The following RNF213 variants were observed in gnomAD, a reference collection of about 807,000 sequenced individuals.
RNF213 encodes the protein E3 ubiquitin-protein ligase RNF213.
Under a neutral mutation model 514.4 loss-of-function variants are expected in RNF213, and 341 were observed. That is an observed-to-expected ratio of 0.66 (90% CI 0.61 to 0.73). RNF213 has a LOEUF of 0.73. RNF213 is among the 30% of genes least tolerant of loss of function. The probability of loss-of-function intolerance (pLI) is 0.00; values close to 1 mark genes in which losing one functional copy is unlikely to be tolerated. For missense variants in RNF213, 5,767 were observed against 6,615.6 expected (o/e 0.87, Z 4.45); for synonymous variants, 2,655 against 2,658.2 (o/e 1.00, Z 0.04).
Position 80,290,710 on chromosome 17 carries a change from G to T in RNF213, c.1253G>T (p.Cys418Phe). The T allele has an allele frequency of 2.5e-6, 4 of 1,614,198 alleles. No homozygotes were observed. Among genetic ancestry groups the T allele is most frequent in the Non-Finnish European group, 3.4e-6 (4 of 1,180,036 alleles). Residue 418 changes from cysteine (C) to phenylalanine (F), a missense_variant, in exon 7 of 68, where the codon TGT (cysteine) becomes TTT (phenylalanine). This residue lies in a region of RNF213 where 592 missense variants were observed against 673.9 expected (regional missense o/e 0.88). Coordinates refer to ENST00000582970, the MANE Select transcript of RNF213 (RefSeq NM_001256071.3). ...GAGTCAAAATGGGACAGCAATATCT[G>T]TGAGCTGCACTACACCAGGTGAGCG... is the stretch of plus-strand genomic sequence containing the variant. ...FGESKWDSNI[C>F]ELHYTRDLGH...
At chr17:80,266,058 A>C (rs1010000590) in intron 2 of RNF213, among the ~76,000 whole-genome samples, 2 of 152,148 alleles carry the variant, frequency 1.3e-5, no homozygotes, top group Non-Finnish European at 2.9e-5. Context: ...GTGTGGGCCC[A>C]CTAGCAGAGA....
chr17:80,330,943 T>C (rs778749990), intron 20 of RNF213, among the ~76,000 whole-genome samples: 4 of 152,070 alleles, frequency 2.6e-5, no homozygotes, highest in Non-Finnish European at 5.9e-5. Flanking sequence ...TCAGCCTCCC[T>C]AGTAGCTGAG....
At chr17:80,267,217 CA>C (rs201148773) in intron 2 of RNF213, among the ~76,000 whole-genome samples, 148 of 111,748 alleles carry the variant, frequency 1.3e-3, no homozygotes, top group Admixed American at 1.2e-3. Context: ...GACTCTGTCT[CA>C]AAAAAAAAAA....
Position 80,325,073 on chromosome 17 carries a change from G to T in RNF213, c.3068G>T (p.Arg1023Leu). 1 of 1,537,144 alleles carries T rather than the reference G, an allele frequency of 6.5e-7. No individual in the cohort carries two copies. Among genetic ancestry groups the T allele is most frequent in the Non-Finnish European group, 8.7e-7 (1 of 1,146,906 alleles). Residue 1023 changes from arginine (R) to leucine (L), a missense_variant, in exon 18 of 68, where the codon CGG becomes CTG. By Grantham distance (102) the Arg-to-Leu change is moderately radical. This residue lies in a region of RNF213 where 516 missense variants were observed against 566.5 expected (regional missense o/e 0.91). Transcript: ENST00000582970. ...CAGGGGTTCTCTTACTCTGATTTGC[G>T]GAAATTTGGCATCGTCTTGTCTGCT... ...ILQGFSYSDL[R>L]KFGIVLSAVI...
At position 80,355,513 on chromosome 17, in the gene RNF213, G is replaced by C. The variant is rs556684841; in HGVS notation, c.10862+937G>C. ...AGGAAGAAGCGGGGTGACCGGGAAT[G>C]GGGGCTTACAGGGGGAAGAAGCGGG... is the stretch of plus-strand genomic sequence containing the variant. On this transcript the variant is annotated intron_variant, in intron 36 of 67. Transcript: ENST00000582970. 6.8e-5 allele frequency among the ~76,000 whole-genome samples: 6 copies of C among 88,372 alleles called. No homozygotes were observed. In the East Asian group the frequency reaches 1.8e-3, roughly 26 times the overall value. 58.0% of individuals were successfully genotyped at this position (88,372 alleles called of 152,430 possible). A position where few individuals can be genotyped will look rare whatever the true frequency, so the allele number is the denominator to read the frequency against.
chr17:80,346,679 G>T lies in RNF213; in HGVS notation c.8344G>T (p.Val2782Leu), dbSNP rs1279432686. 6.2e-7 allele frequency: 1 copy of T among 1,611,236 alleles called. No homozygotes were observed. The highest frequency in any genetic ancestry group is 8.5e-7 in the Non-Finnish European group (1 of 1,180,008). ...GSSKSLAKTI[V>L]ADAMQGPAAY... ...CTCCAAGTCTCTCGCCAAGACCATCGTGGCAGACGCCATGCAGGGCCCGGC... is the reference window on the plus strand; with the variant it reads ...CTCCAAGTCTCTCGCCAAGACCATCTTGGCAGACGCCATGCAGGGCCCGGC... Residue 2782 changes from valine (V) to leucine (L), a missense_variant, in exon 29 of 68, where the codon GTG becomes TTG. Physicochemically the swap from Val to Leu is conservative, Grantham distance 32. Coordinates refer to ENST00000582970, the MANE Select transcript of RNF213 (RefSeq NM_001256071.3). This position sits in a 1 kb window ranked among gnomAD's most constrained non-coding sequence, Gnocchi z 8.1.
Position 80,319,487 on chromosome 17 carries a change from C to G in RNF213, c.3024+175C>G, listed in dbSNP as rs753107817. On this transcript the variant is annotated intron_variant, in intron 17 of 67. Coordinates refer to ENST00000582970, the MANE Select transcript of RNF213 (RefSeq NM_001256071.3). ...CAATGGCGCTGAAATCTAGTTCTCT[C>G]CGGATTCCTCAGTGTGCTGCACAGT... The G allele has an allele frequency of 3.1e-6, 5 of 1,613,890 alleles. No individual in the cohort carries two copies. In the African/African-American group the frequency reaches 5.3e-5, roughly 17 times the overall value.
chr17:80,397,424 G>A lies in RNF213; in HGVS notation c.*3926G>A, dbSNP rs1345245661. On this transcript the variant is annotated 3_prime_UTR_variant, in exon 68 of 68. Coordinates refer to ENST00000582970, the MANE Select transcript of RNF213 (RefSeq NM_001256071.3). The stretch of plus-strand genomic sequence containing the variant: ...AAGGCAGAAATGAAATCCACAAGCA[G>A]ACAGCCTGCACCACACCCTGGGCCT... 2 of 152,136 alleles carry A rather than the reference G, an allele frequency of 1.3e-5. No homozygotes were observed. Among genetic ancestry groups the A allele is most frequent in the African/African-American group, 4.8e-5 (2 of 41,426 alleles). The allele number at this position is 152,136 out of a possible 1,614,324, so 9.4% of individuals were successfully genotyped here.
intron 22 of RNF213, among the ~76,000 whole-genome samples, chr17:80,335,689 G>C (rs7224585): frequency 0.099 from 15,007 of 152,056 alleles, 1,487 homozygotes; most frequent in African/African-American, 0.25. Context: ...TTAACAGACA[G>C]TACAGGCTGG....
At position 80,291,735 on chromosome 17, in the gene RNF213, T is replaced by C. The variant is rs766165427; in HGVS notation, c.1379T>C (p.Phe460Ser). The C allele has an allele frequency of 6.2e-6, 10 of 1,614,066 alleles. No individual in the cohort carries two copies. The African/African-American group carries it at 1.2e-4, about 19-fold the overall frequency. ...TACGTCATTTATAATGGGGAATCTT[T>C]TGAGTATGAGTTCATTTACAAGCAC... ...YKYVIYNGES[F>S]EYEFIYKHQQ... The change falls in exon 8 of 68, where the codon TTT becomes TCT. Residue 460 changes from phenylalanine (F) to serine (S), a missense_variant. By Grantham distance (155) the Phe-to-Ser change is radical (BLOSUM62 -2). Around this residue, in one of 13 missense-constraint regions of RNF213, gnomAD observed 592 missense variants for 673.9 expected, o/e 0.88. Transcript: ENST00000582970.
intron 47 of RNF213, 66 bp from the exon 48 acceptor site, chr17:80,372,455 T>C (rs1382583166): frequency 1.7e-6 from 2 of 1,170,930 alleles, no homozygotes; most frequent in Admixed American, 1.9e-5. Flanking sequence ...TTGGCGACTG[T>C]AGAAGCTTGG....
chr17:80,361,824 T>G lies in RNF213; in HGVS notation c.11291T>G (p.Leu3764Arg). 6.2e-7 allele frequency: 1 copy of G among 1,614,108 alleles called. No homozygotes were observed. Among genetic ancestry groups the G allele is most frequent in the East Asian group, 2.2e-5 (1 of 44,894 alleles). ...CATGGAGAGCCGCAGCAGGAACTTC[T>G]TCAGTGTTACTTGAAGGATTTCATT... ...QLHGEPQQELLQCYLKDFILL... is the reference protein window; with the variant it reads ...QLHGEPQQELRQCYLKDFILL... Residue 3764 changes from leucine (L) to arginine (R), a missense_variant, in exon 39 of 68, where the codon CTT becomes CGT. Around this residue, in one of 13 missense-constraint regions of RNF213, gnomAD observed 355 missense variants for 358.0 expected, o/e 0.99. Transcript: ENST00000582970.
Position 80,376,531 on chromosome 17 carries a change from A to G in RNF213, c.13416A>G (p.Pro4472=), listed in dbSNP as rs1402838094. 1 of 1,614,022 alleles carries G rather than the reference A, an allele frequency of 6.2e-7. No individual in the cohort carries two copies. Among genetic ancestry groups the G allele is most frequent in the South Asian group, 1.1e-5 (1 of 91,084 alleles). Residue 4472 remains proline (P), a synonymous_variant, in exon 52 of 68, where the codon CCA becomes CCG. Transcript: ENST00000582970. Reference sequence around the variant, plus strand: ...CCCTAAAGAATCTGGCCTTCTCCCCAGCCACCATGGCGGTAAGAGTAGGCC... The same window carrying G: ...CCCTAAAGAATCTGGCCTTCTCCCCGGCCACCATGGCGGTAAGAGTAGGCC... The part of the protein sequence containing the change: ...LEPLKNLAFS[P]ATMAHAFLPT...
At chr17:80,362,074 C>T (rs1229788281) in intron 39 of RNF213, among the ~76,000 whole-genome samples, 186 bp downstream of exon 39, 1 of 152,234 alleles carries the variant, frequency 6.6e-6, no homozygotes, top group Non-Finnish European at 1.5e-5. Context: ...TTCAGTGCTA[C>T]ACCCTCAGTC....
At chr17:80,356,376 T>C (rs1164744435) in intron 36 of RNF213, among the ~76,000 whole-genome samples, 1 of 152,178 alleles carries the variant, frequency 6.6e-6, no homozygotes, top group Admixed American at 6.5e-5. Flanking sequence ...AGTCTGCTCT[T>C]CCCCACTCTG....
At position 80,317,623 on chromosome 17, in the gene RNF213, C is replaced by T. The variant is rs1395285488; in HGVS notation, c.2901+346C>T. 6.6e-6 allele frequency among the ~76,000 whole-genome samples: 1 copy of T among 152,202 alleles called. No individual in the cohort carries two copies. The highest frequency in any genetic ancestry group is 1.5e-5 in the Non-Finnish European group (1 of 68,038). On this transcript the variant is annotated intron_variant, in intron 16 of 67. Coordinates refer to ENST00000582970, the MANE Select transcript of RNF213 (RefSeq NM_001256071.3). This position sits in a 1 kb window ranked among gnomAD's most constrained non-coding sequence, Gnocchi z 4.1. ...GGAGGGAGCACGTGAGTGAGTGTGG[C>T]ATCTGGCCAGCTGCTTTGGGAGCTG...
At position 80,264,022 on chromosome 17, in the gene RNF213, G is replaced by A. The variant is rs1192314283; in HGVS notation, c.97+244G>A. Among the ~76,000 whole-genome samples, 3 of 152,144 alleles carry A rather than the reference G, an allele frequency of 2.0e-5. No homozygotes were observed. The highest frequency in any genetic ancestry group is 4.8e-5 in the African/African-American group (2 of 41,470). On this transcript the variant is annotated intron_variant, in intron 2 of 67. Coordinates refer to ENST00000582970, the MANE Select transcript of RNF213 (RefSeq NM_001256071.3). This position sits in a 1 kb window ranked among gnomAD's most constrained non-coding sequence, Gnocchi z 5.0. ...CAGGGGACCACCACCCAGTGCTTCC[G>A]TCCCTCGTTCAGGCCCGGCCTGAGT... is the stretch of plus-strand genomic sequence containing the variant.
chr17:80,362,792 G>A (rs1005783988), intron 39 of RNF213, among the ~76,000 whole-genome samples: 1 of 152,202 alleles, frequency 6.6e-6, no homozygotes, highest in African/African-American at 2.4e-5. Context: ...GGAAATACAG[G>A]ATGGGCAAAT....
rs1382995448 is a variant in RNF213 at position 80,383,763 on chromosome 17, T to C, written c.14157T>C (p.Tyr4719=). The stretch of plus-strand genomic sequence containing the variant: ...CTAACCCTGTGGCCAAAATAATATA[T>C]GGTGACCCAGTGACCTTCCTGCCCC... ...ISSNPVAKII[Y]GDPVTFLPHL... is the part of the protein sequence containing the mutation. Residue 4719 remains tyrosine, a synonymous_variant, in exon 59 of 68, where the codon TAT becomes TAC. Transcript: ENST00000582970. The C allele has an allele frequency of 6.2e-7, 1 of 1,614,076 alleles. No homozygotes were observed. The highest frequency in any genetic ancestry group is 1.3e-5 in the African/African-American group (1 of 74,994).
Sources: gnomAD v4.1 joint callset for allele counts (sites outside exome capture counted in the v4.1 genomes callset) on GRCh38, gnomAD v4.1.1 for gene constraint, gnomAD v4.1.1 regional missense constraint, Gnocchi (gnomAD v3.1) non-coding constraint, MANE v1.5 for transcripts, NCBI Gene and HGNC (gene_info 2026-07-23, HGNC 2026-07-21) for gene names.